STK32C: variants seen among roughly 807,000 people sequenced by gnomAD.
STK32C encodes the protein serine/threonine-protein kinase 32C.
STK32C carries 31 observed loss-of-function variants against 56.5 expected under a neutral mutation model. That is an observed-to-expected ratio of 0.55 (90% CI 0.41 to 0.74). The LOEUF is 0.74. Among genes scored for constraint, STK32C ranks in the 30% least tolerant of loss-of-function variants. STK32C has a pLI of 0.00. For missense variants in STK32C, 544 were observed against 676.9 expected, an observed-to-expected ratio of 0.80 and a Z score of 2.18; for synonymous variants, 309 against 289.4, an observed-to-expected ratio of 1.07 and a Z score of -0.69.
chr10:132,241,814 T>G (rs1203158132), intron 2 of STK32C, among the ~76,000 whole-genome samples: 3 of 152,124 alleles, frequency 2.0e-5, no homozygotes, highest in African/African-American at 7.2e-5. Context: ...AACTTAAAAG[T>G]GCTGAATTCC....
At chr10:132,270,826 G>T (rs556989114) in intron 1 of STK32C, among the ~76,000 whole-genome samples, 1 of 152,152 alleles carries the variant, frequency 6.6e-6, no homozygotes, top group Non-Finnish European at 1.5e-5. Flanking sequence ...GTGGCCCAGG[G>T]CTTCTTCCCA....
chr10:132,263,686 C>T (rs1565124040), intron 1 of STK32C, among the ~76,000 whole-genome samples: 1 of 149,668 alleles, frequency 6.7e-6, no homozygotes, highest in East Asian at 1.9e-4. Flanking sequence ...GGTGAAACCC[C>T]ATCTCTACAA....
chr10:132,251,198 C>T (rs570820302), intron 1 of STK32C, among the ~76,000 whole-genome samples: 11 of 152,332 alleles, frequency 7.2e-5, no homozygotes, highest in African/African-American at 2.4e-4. Context: ...GGTCCCCAGG[C>T]CATGAATCTG....
At chr10:132,229,953 C>T (rs377328072) in intron 2 of STK32C, among the ~76,000 whole-genome samples, 1 of 152,242 alleles carries the variant, frequency 6.6e-6, no homozygotes, top group African/African-American at 2.4e-5. Flanking sequence ...GGCGTGGCCT[C>T]AGCACCTCCC....
intron 1 of STK32C, chr10:132,330,296 AGTAAAT>A: frequency 1.6e-6 from 1 of 618,736 alleles, no homozygotes; most frequent in Non-Finnish European, 3.0e-6. Context: ...TCAAATGGTT[AGTAAAT>A]GTTTTATTTG....
chr10:132,312,216 C>G (rs767663557), upstream of STK32C, among the ~76,000 whole-genome samples: 9 of 152,102 alleles, frequency 5.9e-5, no homozygotes, highest in Non-Finnish European at 8.8e-5. Flanking sequence ...ACACTGTGGC[C>G]TAGGCTGATC....
chr10:132,319,031 C>A (rs1289212814), intron 1 of STK32C, among the ~76,000 whole-genome samples: 1 of 152,338 alleles, frequency 6.6e-6, no homozygotes, highest in Admixed American at 6.5e-5. Flanking sequence ...TCACTGCAAC[C>A]TCCACGTCCT....
chr10:132,253,707 C>T (rs1361098991), intron 1 of STK32C, among the ~76,000 whole-genome samples: 2 of 152,188 alleles, frequency 1.3e-5, no homozygotes, highest in African/African-American at 2.4e-5. Flanking sequence ...GAGGGAGCCG[C>T]CCCTCCACAG....
At chr10:132,305,746 G>C (rs1443053646) in intron 1 of STK32C, among the ~76,000 whole-genome samples, 5 of 152,224 alleles carry the variant, frequency 3.3e-5, no homozygotes, top group Non-Finnish European at 7.3e-5. Context: ...CAAGTTGTCT[G>C]TGCCCTGCCA....
At chr10:132,252,262 A>G (rs910181442) in intron 1 of STK32C, among the ~76,000 whole-genome samples, 2 of 152,092 alleles carry the variant, frequency 1.3e-5, no homozygotes, top group African/African-American at 4.8e-5. Context: ...TGGGGGAAAC[A>G]CTCAACAAGC....
intron 1 of STK32C, 26 bp from the exon 2 acceptor site, chr10:132,245,981 T>G: frequency 1.9e-6 from 3 of 1,612,298 alleles, no homozygotes; most frequent in Non-Finnish European, 2.5e-6. Context: ...GAGGGACACC[T>G]GGTGAGGTGG....
Position 132,301,861 on chromosome 10 carries a change from C to T in STK32C, c.262+5711G>A, listed in dbSNP as rs572321121. ...AGGGTTAGAGATCCCCCTCCAGGCCCATCGGGAGCCCGGGCCAAGGGACCA... is the reference window on the plus strand; with the variant it reads ...AGGGTTAGAGATCCCCCTCCAGGCCTATCGGGAGCCCGGGCCAAGGGACCA... On this transcript the variant is annotated intron_variant, in intron 1 of 11. Coordinates refer to ENST00000298630, the MANE Select transcript of STK32C (RefSeq NM_173575.4). Among the ~76,000 whole-genome samples the T allele has an allele frequency of 2.6e-5, 4 of 152,360 alleles. No homozygotes were observed. The South Asian group carries it at 8.3e-4, about 32-fold the overall frequency.
intron 1 of STK32C, among the ~76,000 whole-genome samples, chr10:132,267,120 C>T (rs962810496): frequency 5.9e-5 from 9 of 152,220 alleles, no homozygotes; most frequent in African/African-American, 9.7e-5. Flanking sequence ...CCCTGCTCCC[C>T]GCATGGTTTC....
At chr10:132,268,712 C>CGTGT (rs781774207) in intron 1 of STK32C, among the ~76,000 whole-genome samples, 5 of 101,974 alleles carry the variant, frequency 4.9e-5, no homozygotes, top group Non-Finnish European at 7.6e-5. Flanking sequence ...TGTCTCACAT[C>CGTGT]GTGTGTGTGT....
At chr10:132,259,014 C>T (rs1309927210) in intron 1 of STK32C, among the ~76,000 whole-genome samples, 1 of 152,124 alleles carries the variant, frequency 6.6e-6, no homozygotes, top group East Asian at 1.9e-4. Context: ...ATGAACAGGG[C>T]TATAGCTTGG....
At chr10:132,311,088 A>G (rs893026693), upstream of STK32C, among the ~76,000 whole-genome samples, 2 of 152,108 alleles carry the variant, frequency 1.3e-5, no homozygotes, top group African/African-American at 4.8e-5. This position sits in a 1 kb window ranked among gnomAD's most constrained non-coding sequence, Gnocchi z 4.4. Flanking sequence ...ATTCGTCCAT[A>G]AAGCCACGCC....
At chr10:132,245,140 G>A (rs763572913) in intron 2 of STK32C, among the ~76,000 whole-genome samples, 3 of 152,134 alleles carry the variant, frequency 2.0e-5, no homozygotes, top group Non-Finnish European at 4.4e-5. Context: ...CATGGCAATC[G>A]CTTTAAAAAG....
chr10:132,331,862 C>CA, upstream of STK32C: 1 of 1,358,068 alleles, frequency 7.4e-7, no homozygotes, highest in Non-Finnish European at 1.0e-6. Context: ...TACCGTTGGC[C>CA]GCGTGCGTGC....
intron 1 of STK32C, among the ~76,000 whole-genome samples, chr10:132,269,853 G>A (rs2064758777): frequency 6.6e-6 from 1 of 152,218 alleles, no homozygotes; most frequent in African/African-American, 2.4e-5. Context: ...GGCGTTCAGT[G>A]AGAGTCCCTA....
Sources: gnomAD v4.1 joint callset for allele counts (sites outside exome capture counted in the v4.1 genomes callset) on GRCh38, gnomAD v4.1.1 for gene constraint, Gnocchi (gnomAD v3.1) non-coding constraint, MANE v1.5 for transcripts, NCBI Gene and HGNC (gene_info 2026-07-23, HGNC 2026-07-21) for gene names.